Variants in KIF1B observed in about 807,000 individuals in gnomAD.
The protein encoded by KIF1B is kinesin family member 1B, also known as kinesin-like protein KIF1B.
Under a neutral mutation model 241.9 loss-of-function variants are expected in KIF1B, and 76 were observed. That is an observed-to-expected ratio of 0.31 (90% CI 0.26 to 0.38). The LOEUF is 0.38. Ranked by LOEUF, KIF1B falls within the 10% of genes least tolerant of loss-of-function variation. KIF1B has a pLI of 1.00. For synonymous variants in KIF1B, 750 were observed against 796.7 expected, an observed-to-expected ratio of 0.94 and a Z score of 0.99; for missense variants, 1,622 against 2,271.4, an observed-to-expected ratio of 0.71 and a Z score of 5.81.
chr1:10,308,649 C>T (rs1650941169), intron 22 of KIF1B: 1 of 1,007,306 alleles, frequency 9.9e-7, no homozygotes, highest in South Asian at 4.7e-5. Flanking sequence ...CAAGGTAATG[C>T]TAACTAAACC....
At chr1:10,370,960 C>T (rs1228724704) in intron 44 of KIF1B, among the ~76,000 whole-genome samples, 181 bp from the exon 45 acceptor site, 3 of 152,104 alleles carry the variant, frequency 2.0e-5, no homozygotes, top group African/African-American at 7.2e-5. Context: ...AAGGCCTTGT[C>T]TCTTAAAATT....
At chr1:10,269,262 C>T (rs989868303) in intron 7 of KIF1B, among the ~76,000 whole-genome samples, 2 of 152,130 alleles carry the variant, frequency 1.3e-5, no homozygotes, top group African/African-American at 4.8e-5. Flanking sequence ...CACCTGTAAT[C>T]CCAGCACTGT....
intron 15 of KIF1B, among the ~76,000 whole-genome samples, chr1:10,290,772 A>C (rs1488286447): frequency 6.6e-6 from 1 of 150,716 alleles, no homozygotes; most frequent in Non-Finnish European, 1.5e-5. Context: ...CGGGAGGCTG[A>C]GGCAGGAGAA....
intron 1 of KIF1B, among the ~76,000 whole-genome samples, chr1:10,211,450 G>A (rs1269996601): frequency 1.3e-5 from 2 of 152,196 alleles, no homozygotes; most frequent in East Asian, 3.9e-4. Flanking sequence ...AGGAAGGCTG[G>A]TGTGGTCTCG....
chr1:10,280,541 T>G (rs1649359924), intron 14 of KIF1B, among the ~76,000 whole-genome samples: 1 of 152,052 alleles, frequency 6.6e-6, no homozygotes, highest in Non-Finnish European at 1.5e-5. Context: ...GCCACCTGAG[T>G]TGCTTATTTC....
intron 32 of KIF1B, among the ~76,000 whole-genome samples, chr1:10,340,317 T>C (rs1012458285): frequency 6.6e-6 from 1 of 152,242 alleles, no homozygotes; most frequent in Non-Finnish European, 1.5e-5. Flanking sequence ...TAATGCCCTT[T>C]ACAACTGTAT....
chr1:10,315,171 CTTTTTTTTTTTTT>C (rs765236286), intron 22 of KIF1B, among the ~76,000 whole-genome samples: 3 of 80,064 alleles, frequency 3.7e-5, no homozygotes, highest in East Asian at 3.7e-4. Context: ...CAAGAATATT[CTTTTTTTTTTTTT>C]TTTTTTTTTT....
intron 24 of KIF1B, 90 bp downstream of exon 24, chr1:10,321,947 TTG>T: frequency 1.4e-6 from 2 of 1,425,114 alleles, no homozygotes; most frequent in South Asian, 2.4e-5. Context: ...AACCTTTCCT[TTG>T]GGGGAACTCA....
In KIF1B at chr1:10,338,828, C is replaced by T. The variant is rs185992483; in HGVS notation, c.3423-941C>T. On this transcript the variant is annotated intron_variant, in intron 31 of 48. Coordinates refer to ENST00000676179, the MANE Select transcript of KIF1B (RefSeq NM_001365951.3). Reference sequence around the variant, plus strand: ...TCGTCAGGGAACCCCAGGAATGCTGCGGTGCCAGCAATACAGGAATCAGGG... The same window carrying T: ...TCGTCAGGGAACCCCAGGAATGCTGTGGTGCCAGCAATACAGGAATCAGGG... 1.4e-3 allele frequency among the ~76,000 whole-genome samples: 220 copies of T among 152,326 alleles called. 1 individual carries two copies. The highest frequency in any genetic ancestry group is 2.2e-3 in the Non-Finnish European group (153 of 68,036).
At chr1:10,254,576 C>G (rs1647649155) in intron 2 of KIF1B, among the ~76,000 whole-genome samples, 1 of 152,082 alleles carries the variant, frequency 6.6e-6, no homozygotes, top group Non-Finnish European at 1.5e-5. Context: ...ATAGTAAGAT[C>G]TTTAAAAAGA....
intron 2 of KIF1B, among the ~76,000 whole-genome samples, chr1:10,252,034 A>G (rs955775529): frequency 5.9e-5 from 9 of 151,694 alleles, no homozygotes; most frequent in Admixed American, 5.9e-4. Context: ...TCCCACTTTT[A>G]TATTTATTTA....
rs1159352927 is a variant in KIF1B at position 10,365,069 on chromosome 1, T to A, written c.4367-31T>A. On this transcript the variant is annotated intron_variant, in intron 41 of 48. Transcript: ENST00000676179. The surrounding 1 kb of genome is among the most constrained non-coding windows in gnomAD (Gnocchi z 4.0). ...TAAACTTGGAATTGAATTTTTTTTC[T>A]GAAACAAAAACTTGTTTCCTCTTGT... is the stretch of plus-strand genomic sequence containing the variant. 1.3e-6 allele frequency: 2 copies of A among 1,595,434 alleles called. No individual in the cohort carries two copies. The highest frequency in any genetic ancestry group is 3.4e-5 in the Admixed American group (2 of 59,230).
At chr1:10,259,924 C>T (rs1309020082) in intron 4 of KIF1B, among the ~76,000 whole-genome samples, 1 of 151,494 alleles carries the variant, frequency 6.6e-6, no homozygotes, top group Non-Finnish European at 1.5e-5. Context: ...ACTGGGATTA[C>T]AGGCATGAGC....
chr1:10,215,161 TATA>T (rs1646748479), intron 1 of KIF1B, among the ~76,000 whole-genome samples: 31 of 72,108 alleles, frequency 4.3e-4, no homozygotes, highest in Non-Finnish European at 5.9e-4. Context: ...TATATATATA[TATA>T]TATATATATT....
At chr1:10,248,539 T>C (rs946504) in intron 2 of KIF1B, among the ~76,000 whole-genome samples, 79,060 of 151,948 alleles carry the variant, frequency 0.52, 21,055 homozygotes, top group African/African-American at 0.63. Context: ...CCATCTCTCT[T>C]GCTGCCCCTG....
Position 10,343,229 on chromosome 1 carries a change from C to T in KIF1B, c.3633-3C>T, listed in dbSNP as rs374846037. On this transcript the variant is annotated splice_polypyrimidine_tract_variant and splice_region_variant and intron_variant, in intron 33 of 48. Transcript: ENST00000676179. The stretch of plus-strand genomic sequence containing the variant: ...CTTGATCTTTGTCTTCCTTTCTTTG[C>T]AGTCCGCCTCAGCCGTGCCGCCGAT... 1.1e-5 allele frequency: 17 copies of T among 1,614,000 alleles called. No homozygotes were observed. Among genetic ancestry groups the T allele is most frequent in the East Asian group, 6.7e-5 (3 of 44,902 alleles).
intron 4 of KIF1B, among the ~76,000 whole-genome samples, chr1:10,259,607 A>C (rs1648005512): frequency 6.6e-6 from 1 of 150,704 alleles, no homozygotes; most frequent in Non-Finnish European, 1.5e-5. Context: ...GGTTCAAGTG[A>C]TTCTCCTGCC....
intron 4 of KIF1B, among the ~76,000 whole-genome samples, chr1:10,259,491 TAAA>T (rs5772403): frequency 2.9e-5 from 4 of 138,246 alleles, no homozygotes; most frequent in Admixed American, 7.4e-5. Context: ...ATTTTTAAAT[TAAA>T]AAAAAAAAAA....
chr1:10,336,852 G>GAGTA (rs1234461306), intron 29 of KIF1B, 110 bp downstream of exon 29: 6 of 1,141,962 alleles, frequency 5.3e-6, no homozygotes, highest in Middle Eastern at 1.9e-4. Flanking sequence ...GGTTGCCACA[G>GAGTA]AGTAGTTCAA....
Sources: allele counts gnomAD v4.1 joint callset (sites outside exome capture counted in the v4.1 genomes callset), GRCh38; gene constraint gnomAD v4.1.1; non-coding constraint Gnocchi (gnomAD v3.1); transcripts MANE v1.5; gene names NCBI Gene and HGNC (gene_info 2026-07-23, HGNC 2026-07-21).